The following TRAIP variants were observed in gnomAD, a reference collection of about 807,000 sequenced individuals.
TRAIP encodes TRAF interacting protein.
In TRAIP, 37 loss-of-function variants were observed where a neutral mutation model predicts 65.0. The ratio of observed to expected loss-of-function variants is 0.57; its 90% CI spans 0.44 to 0.75. The LOEUF (loss-of-function observed/expected upper bound fraction) is 0.75, where lower values mean the gene tolerates loss of function less well. Ranked by LOEUF, TRAIP falls within the 30% of genes least tolerant of loss-of-function variation. The probability of loss-of-function intolerance (pLI) is 0.00; values close to 1 mark genes in which losing one functional copy is unlikely to be tolerated. For missense variants in TRAIP, 481 were observed against 579.4 expected (o/e 0.83, Z 1.74); for synonymous variants, 187 against 219.1 (o/e 0.85, Z 1.29).
At chr3:49,830,326 G>T (rs578115770) in intron 11 of TRAIP, among the ~76,000 whole-genome samples, 10 of 152,156 alleles carry the variant, frequency 6.6e-5, no homozygotes, top group Admixed American at 2.0e-4. Context: ...TCCACTCAAG[G>T]CCAAATTCCA....
rs1379017679 is a variant in TRAIP, at chr3:49,828,915, T to G, written c.*188A>C. The G allele has an allele frequency of 4.1e-6, 3 of 723,294 alleles. No individual in the cohort carries two copies. The highest frequency in any genetic ancestry group is 4.6e-6 in the Non-Finnish European group (2 of 432,594). The allele number at this position is 723,294 out of a possible 1,614,324, so 44.8% of individuals were successfully genotyped here. A position where few individuals can be genotyped will look rare whatever the true frequency, so the allele number is the denominator to read the frequency against. ...GGCTGGTCATGTCAGCTCCCAGTCG[T>G]AGGAGTGGGGCAGGGTGAGGGCAGG... On this transcript the variant is annotated 3_prime_UTR_variant, in exon 15 of 15. Transcript: ENST00000331456.
chr3:49,847,652 C>A (rs760429734), intron 2 of TRAIP, 44 bp from the exon 3 acceptor site: 2 of 1,425,028 alleles, frequency 1.4e-6, no homozygotes, highest in Admixed American at 1.9e-5. Flanking sequence ...GTAGCTGGGT[C>A]ATGCGCAAGG....
At chr3:49,841,462 C>T (rs1427423154) in intron 7 of TRAIP, among the ~76,000 whole-genome samples, 3 of 152,220 alleles carry the variant, frequency 2.0e-5, no homozygotes, top group Admixed American at 2.0e-4. Context: ...TTGATCCCAG[C>T]CAGGCAGGAT....
chr3:49,850,513 T>C (rs977622649), intron 1 of TRAIP, among the ~76,000 whole-genome samples: 1 of 149,770 alleles, frequency 6.7e-6, no homozygotes, highest in Admixed American at 6.7e-5. Flanking sequence ...AAAAAAAAAG[T>C]AGGCAAAATT....
intron 6 of TRAIP, 69 bp downstream of exon 6, chr3:49,842,384 T>A: frequency 1.3e-6 from 2 of 1,486,918 alleles, no homozygotes; most frequent in South Asian, 1.1e-5. Flanking sequence ...CCTGCTGCAG[T>A]CCTAAGAACT....
At chr3:49,848,254 T>C in intron 1 of TRAIP, 54 bp from the exon 2 acceptor site, 1 of 1,592,154 alleles carries the variant, frequency 6.3e-7, no homozygotes, top group Admixed American at 1.7e-5. Context: ...TCTGGGGACA[T>C]AAGCCAGGCA....
intron 11 of TRAIP, among the ~76,000 whole-genome samples, chr3:49,831,641 C>T (rs2081733730): frequency 6.6e-6 from 1 of 152,240 alleles, no homozygotes; most frequent in Non-Finnish European, 1.5e-5. Context: ...CAGCCCAGAC[C>T]CACCCCTTCT....
chr3:49,844,111 C>T, intron 4 of TRAIP, 183 bp from the exon 5 acceptor site: 2 of 797,550 alleles, frequency 2.5e-6, no homozygotes, highest in Non-Finnish European at 3.8e-6. Flanking sequence ...GAGCCAGAGC[C>T]TTCATTCAGG....
intron 1 of TRAIP, among the ~76,000 whole-genome samples, chr3:49,852,833 G>C (rs1454353815): frequency 6.6e-6 from 1 of 151,614 alleles, no homozygotes; most frequent in Non-Finnish European, 1.5e-5. Flanking sequence ...TTTGTAAAAA[G>C]AAATTCGGCC....
In TRAIP at chr3:49,840,365, T is replaced by C. The variant is rs753445094; in HGVS notation, c.714A>G (p.Thr238=). The part of the protein sequence containing the change: ...DLFSSRSKLQ[T]VYSELDQAKL... ...TGGCCTGATCCAATTCAGAGTAGAC[T>C]GTCTGCAACTATAAGAAAGTGTAGG... The change falls in exon 9 of 15, where the codon ACA becomes ACG. Residue 238 remains threonine (T), a synonymous_variant. Coordinates refer to ENST00000331456, the MANE Select transcript of TRAIP (RefSeq NM_005879.3). 1 of 1,614,052 alleles carries C rather than the reference T, an allele frequency of 6.2e-7. No individual in the cohort carries two copies. Among genetic ancestry groups the C allele is most frequent in the South Asian group, 1.1e-5 (1 of 91,078 alleles).
intron 1 of TRAIP, among the ~76,000 whole-genome samples, chr3:49,848,682 T>C (rs947297852): frequency 6.6e-6 from 1 of 152,162 alleles, no homozygotes; most frequent in Non-Finnish European, 1.5e-5. Flanking sequence ...TAATCTACTG[T>C]ACATTTTAAA....
intron 3 of TRAIP, among the ~76,000 whole-genome samples, chr3:49,846,364 TC>T (rs538792379): frequency 5.9e-4 from 89 of 152,116 alleles, no homozygotes; most frequent in African/African-American, 1.8e-3. Flanking sequence ...ACGCCCAGCC[TC>T]CCCAGGCAAT....
At chr3:49,844,479 C>T (rs1165959700) in intron 4 of TRAIP, 62 bp downstream of exon 4, 2 of 1,585,574 alleles carry the variant, frequency 1.3e-6, no homozygotes, top group East Asian at 2.2e-5. Context: ...CCTCCTAGGG[C>T]CCCCTTCCTC....
intron 3 of TRAIP, among the ~76,000 whole-genome samples, 198 bp downstream of exon 3, chr3:49,847,327 A>G (rs938606862): frequency 2.6e-5 from 4 of 151,770 alleles, no homozygotes; most frequent in Non-Finnish European, 5.9e-5. Context: ...GGTTATAGTG[A>G]GCTATGATTG....
chr3:49,846,219 A>AT (rs539951795), intron 3 of TRAIP, among the ~76,000 whole-genome samples: 1 of 151,640 alleles, frequency 6.6e-6, no homozygotes, highest in Non-Finnish European at 1.5e-5. Context: ...TCCCTAGGCA[A>AT]TTTTTTTTCT....
intron 8 of TRAIP, 130 bp downstream of exon 8, chr3:49,840,855 C>A: frequency 1.2e-6 from 1 of 830,796 alleles, no homozygotes; most frequent in South Asian, 1.5e-5. Flanking sequence ...TAACAAATTT[C>A]TGTAAGTCCT....
rs1269375933 is a variant in TRAIP, at chr3:49,840,615, G to A, written c.706-242C>T. ...CACCATGCCAGAAGTAAAAGCAGCT[G>A]TGCTGACCGAATCAGGTTCCAGGAG... is the stretch of plus-strand genomic sequence containing the variant. On this transcript the variant is annotated intron_variant, in intron 8 of 14. Coordinates refer to ENST00000331456, the MANE Select transcript of TRAIP (RefSeq NM_005879.3). 3 of 567,462 alleles carry A rather than the reference G, an allele frequency of 5.3e-6. No individual in the cohort carries two copies. In the Admixed American group the frequency reaches 9.3e-5, roughly 18 times the overall value. The allele number at this position is 567,462 out of a possible 1,614,324, so 35.2% of individuals were successfully genotyped here.
At chr3:49,836,514 G>GGAAAAA (rs1241422775) in intron 10 of TRAIP, among the ~76,000 whole-genome samples, 4 of 151,464 alleles carry the variant, frequency 2.6e-5, no homozygotes, top group African/African-American at 7.3e-5. Context: ...GAAAAGAAAA[G>GGAAAAA]GAAAAAGAAA....
At chr3:49,840,213 A>G (rs1229587879) in intron 9 of TRAIP, 71 bp downstream of exon 9, 2 of 1,369,626 alleles carry the variant, frequency 1.5e-6, no homozygotes, top group African/African-American at 1.4e-5. Context: ...CTGGGCAGAG[A>G]TAGCCCAGCC....
Sources: gnomAD v4.1 joint callset for allele counts (sites outside exome capture counted in the v4.1 genomes callset) on GRCh38, gnomAD v4.1.1 for gene constraint, MANE v1.5 for transcripts, NCBI Gene and HGNC (gene_info 2026-07-23, HGNC 2026-07-21) for gene names.